FREM2: variants seen among roughly 807,000 people sequenced by gnomAD.
FREM2 encodes FRAS1 related extracellular matrix 2.
A neutral mutation model predicts 219.9 loss-of-function variants in FREM2; 119 were observed. The observed-to-expected ratio is 0.54, with a 90% CI of 0.47 to 0.63. The LOEUF is 0.63. FREM2 is among the 30% of genes least tolerant of loss of function. FREM2 has a pLI of 0.00. For missense variants in FREM2, 4,030 were observed against 3,993.6 expected, an observed-to-expected ratio of 1.01 and a Z score of -0.25; for synonymous variants, 1,562 against 1,522.8, an observed-to-expected ratio of 1.03 and a Z score of -0.60.
At chr13:38,806,093 GA>G (rs1441753088) in intron 6 of FREM2, among the ~76,000 whole-genome samples, 1 of 151,296 alleles carries the variant, frequency 6.6e-6, no homozygotes, top group South Asian at 2.1e-4. Flanking sequence ...GAGAGGGTAG[GA>G]AAAAAATGAA....
chr13:38,852,312 C>T (rs879493294), intron 11 of FREM2, among the ~76,000 whole-genome samples: 9 of 152,120 alleles, frequency 5.9e-5, no homozygotes, highest in Admixed American at 2.6e-4. Context: ...GTAAAACAAA[C>T]ACAATGGGAT....
intron 6 of FREM2, among the ~76,000 whole-genome samples, chr13:38,816,236 G>A (rs146124647): frequency 1.3e-5 from 2 of 152,068 alleles, no homozygotes; most frequent in South Asian, 4.1e-4. Flanking sequence ...ATCTTACGAG[G>A]CTGGAATTAC....
intron 6 of FREM2, among the ~76,000 whole-genome samples, chr13:38,839,380 A>G (rs1876850987): frequency 6.6e-6 from 1 of 152,144 alleles, no homozygotes; most frequent in African/African-American, 2.4e-5. Flanking sequence ...AGAGCTCTCC[A>G]GTATGAGGTG....
chr13:38,824,682 C>T (rs1029166477), intron 6 of FREM2, among the ~76,000 whole-genome samples: 4 of 151,856 alleles, frequency 2.6e-5, no homozygotes, highest in African/African-American at 7.3e-5. Context: ...ACAGGAGCCA[C>T]CAGTTAGCAG....
chr13:38,708,531 G>A (rs536178360), intron 2 of FREM2, among the ~76,000 whole-genome samples: 1 of 152,140 alleles, frequency 6.6e-6, no homozygotes, highest in South Asian at 2.1e-4. Context: ...GCGTGTGCCT[G>A]TAATCCCAGC....
chr13:38,805,261 TA>T (rs757155822), intron 6 of FREM2, among the ~76,000 whole-genome samples: 4 of 151,544 alleles, frequency 2.6e-5, no homozygotes, highest in Non-Finnish European at 5.9e-5. Flanking sequence ...GAGGTGAGGC[TA>T]GAAAGGAAAG....
At chr13:38,783,257 A>G in intron 5 of FREM2, 62 bp downstream of exon 5, 1 of 1,557,944 alleles carries the variant, frequency 6.4e-7, no homozygotes, top group South Asian at 1.1e-5. Context: ...CCTTTTTAAC[A>G]TATTGGAGCC....
intron 6 of FREM2, among the ~76,000 whole-genome samples, chr13:38,835,634 G>T (rs1876678718): frequency 6.6e-6 from 1 of 152,186 alleles, no homozygotes; most frequent in South Asian, 2.1e-4. Context: ...GCAGTGGTTT[G>T]TAGTTCTCCT....
intron 4 of FREM2, among the ~76,000 whole-genome samples, chr13:38,777,841 G>A (rs1468593424): frequency 6.6e-6 from 1 of 152,150 alleles, no homozygotes; most frequent in Non-Finnish European, 1.5e-5. Context: ...ACATATTTCT[G>A]TTAGAAGTTA....
intron 21 of FREM2, among the ~76,000 whole-genome samples, chr13:38,877,450 A>G (rs1050949798): frequency 1.3e-5 from 2 of 152,036 alleles, no homozygotes; most frequent in Non-Finnish European, 2.9e-5. Context: ...GAGGAAGCTA[A>G]TCTCTAGCTG....
intron 2 of FREM2, among the ~76,000 whole-genome samples, chr13:38,710,550 T>C (rs1247775810): frequency 6.6e-6 from 1 of 152,170 alleles, no homozygotes; most frequent in Non-Finnish European, 1.5e-5. Context: ...AATGTACCAC[T>C]CTGTACTGGA....
chr13:38,778,943 T>G (rs1227458569), intron 4 of FREM2, among the ~76,000 whole-genome samples: 1 of 152,166 alleles, frequency 6.6e-6, no homozygotes, highest in African/African-American at 2.4e-5. Context: ...TAAAACTAAT[T>G]GAATATTTGA....
rs1468069333 is a variant in FREM2, at chr13:38,886,479, C to T, written c.*5692C>T. The T allele has an allele frequency of 6.6e-6, 1 of 152,024 alleles. No individual in the cohort carries two copies. Among genetic ancestry groups the T allele is most frequent in the Non-Finnish European group, 1.5e-5 (1 of 68,038 alleles). The allele number at this position is 152,024 out of a possible 1,614,324, so 9.4% of individuals were successfully genotyped here. A position where few individuals can be genotyped will look rare whatever the true frequency, so the allele number is the denominator to read the frequency against. ...ATGGAATGATCTTGGCTCACCGCAA[C>T]CTCCGCCTCCAGGGTTCAAGTGATT... On this transcript the variant is annotated 3_prime_UTR_variant, in exon 24 of 24. Transcript: ENST00000280481.
At chr13:38,783,837 C>A (rs554767567) in intron 5 of FREM2, among the ~76,000 whole-genome samples, 3 of 152,328 alleles carry the variant, frequency 2.0e-5, no homozygotes, top group South Asian at 4.1e-4. Context: ...TGGCTCATGC[C>A]TGTAATCCCA....
chr13:38,700,875 A>G (rs556533576), intron 2 of FREM2, among the ~76,000 whole-genome samples: 1 of 152,230 alleles, frequency 6.6e-6, no homozygotes, highest in Admixed American at 6.5e-5. Context: ...TGCTTTTAGG[A>G]TAGACAAAGA....
chr13:38,792,248 C>T (rs1874591800), intron 6 of FREM2, among the ~76,000 whole-genome samples: 6 of 152,148 alleles, frequency 3.9e-5, no homozygotes, highest in Admixed American at 2.0e-4. Flanking sequence ...ACTCAGGAGG[C>T]TGAGGCAGGA....
At chr13:38,706,898 T>C (rs1261442359) in intron 2 of FREM2, among the ~76,000 whole-genome samples, 1 of 152,174 alleles carries the variant, frequency 6.6e-6, no homozygotes, top group Non-Finnish European at 1.5e-5. Context: ...AAGTTTAACT[T>C]TGTGACACAG....
intron 6 of FREM2, among the ~76,000 whole-genome samples, chr13:38,816,397 G>A (rs769162343): frequency 5.2e-4 from 79 of 152,284 alleles, no homozygotes; most frequent in Admixed American, 1.4e-3. Flanking sequence ...GTCAAGTGGA[G>A]TTTATTCCAG....
rs373205741 is a variant in FREM2, at chr13:38,743,463, T to C, written c.5264-20841T>C. On this transcript the variant is annotated intron_variant, in intron 2 of 23. Coordinates refer to ENST00000280481, the MANE Select transcript of FREM2 (RefSeq NM_207361.6). Reference sequence around the variant, plus strand: ...AATATTAGGATGGGAATAGAGAGTTTCCCAAAAGAGGGATCACTAGCAACT... The same window carrying C: ...AATATTAGGATGGGAATAGAGAGTTCCCCAAAAGAGGGATCACTAGCAACT... Among the ~76,000 whole-genome samples, 63 of 152,088 alleles carry C rather than the reference T, an allele frequency of 4.1e-4. 2 individuals are homozygous for C. In the South Asian group the frequency reaches 0.012, roughly 29 times the overall value.
Sources: gnomAD v4.1 joint callset for allele counts (sites outside exome capture counted in the v4.1 genomes callset) on GRCh38, gnomAD v4.1.1 for gene constraint, MANE v1.5 for transcripts, NCBI Gene and HGNC (gene_info 2026-07-23, HGNC 2026-07-21) for gene names.